The following IL1RAP variants were observed in gnomAD, a reference collection of about 807,000 sequenced individuals.
IL1RAP encodes interleukin-1 receptor accessory protein.
A neutral mutation model predicts 60.7 loss-of-function variants in IL1RAP; 35 were observed. The ratio of observed to expected loss-of-function variants is 0.58; its 90% CI spans 0.44 to 0.76. The LOEUF (loss-of-function observed/expected upper bound fraction) is 0.76. IL1RAP is among the 30% of genes least tolerant of loss of function. IL1RAP has a pLI of 0.00. For missense variants in IL1RAP, 572 were observed against 693.9 expected (o/e 0.82, Z 1.97); for synonymous variants, 268 against 250.9 (o/e 1.07, Z -0.64).
intron 2 of IL1RAP, among the ~76,000 whole-genome samples, chr3:190,561,936 A>G (rs369980262): frequency 1.3e-5 from 2 of 152,252 alleles, no homozygotes; most frequent in African/African-American, 2.4e-5. Flanking sequence ...ATAAAGTACA[A>G]TTTGAGGGTC....
downstream of IL1RAP, chr3:190,656,484 A>G: frequency 6.5e-7 from 1 of 1,537,238 alleles, no homozygotes; most frequent in Non-Finnish European, 8.7e-7. Flanking sequence ...CTGTTCCCCA[A>G]GAGTCAGAAA....
chr3:190,655,819 T>A, downstream of IL1RAP: 1 of 1,112,690 alleles, frequency 9.0e-7, no homozygotes. Flanking sequence ...CTCTGGAGGA[T>A]GGACAATAAC....
intron 3 of IL1RAP, among the ~76,000 whole-genome samples, chr3:190,577,007 A>T (rs1422457866): frequency 6.7e-6 from 1 of 149,958 alleles, no homozygotes; most frequent in Non-Finnish European, 1.5e-5. Flanking sequence ...AGGCTGAGGC[A>T]GGAGAATGGC....
downstream of IL1RAP, among the ~76,000 whole-genome samples, chr3:190,651,983 C>A (rs925512279): frequency 1.3e-5 from 2 of 152,150 alleles, no homozygotes; most frequent in African/African-American, 4.8e-5. Flanking sequence ...TTAACGCAAC[C>A]ACACGGTAGT....
At chr3:190,571,711 A>G (rs2108648137) in intron 3 of IL1RAP, among the ~76,000 whole-genome samples, 1 of 152,318 alleles carries the variant, frequency 6.6e-6, no homozygotes, top group African/African-American at 2.4e-5. Flanking sequence ...AGAAGACTTT[A>G]GATTCACTGT....
At chr3:190,617,604 G>A (rs1188227204) in intron 5 of IL1RAP, among the ~76,000 whole-genome samples, 1 of 152,146 alleles carries the variant, frequency 6.6e-6, no homozygotes, top group South Asian at 2.1e-4. Flanking sequence ...TTTAAAGCAA[G>A]TTTCCTATTC....
intron 3 of IL1RAP, among the ~76,000 whole-genome samples, chr3:190,589,815 A>G (rs1212093577): frequency 6.6e-6 from 1 of 152,214 alleles, no homozygotes; most frequent in African/African-American, 2.4e-5. Flanking sequence ...CCCATTAAAT[A>G]CATGATGGGC....
chr3:190,633,588 C>T, intron 9 of IL1RAP, among the ~76,000 whole-genome samples: 1 of 152,138 alleles, frequency 6.6e-6, no homozygotes, highest in Non-Finnish European at 1.5e-5. Context: ...AACTCCTGAC[C>T]TCAGATGATC....
downstream of IL1RAP, chr3:190,655,894 G>A (rs1325674361): frequency 2.0e-6 from 3 of 1,535,670 alleles, no homozygotes; most frequent in African/African-American, 2.7e-5. Flanking sequence ...TATAGATACA[G>A]TGGAAGCAGT....
rs1734318639 is a variant in IL1RAP at position 190,650,297 on chromosome 3, T to G, written c.*1592T>G. On this transcript the variant is annotated 3_prime_UTR_variant, in exon 12 of 12. Transcript: ENST00000447382. ...TTTATATAAATAACTTAAGTATTGC[T>G]ACAGTTTATCTAGGTTGCAGTGGCA... 4.1e-6 allele frequency: 4 copies of G among 985,070 alleles called. No homozygotes were observed. In the South Asian group the frequency reaches 1.4e-4, roughly 35 times the overall value. 61.0% of individuals were successfully genotyped at this position (985,070 alleles called of 1,614,324 possible). A position where few individuals can be genotyped will look rare whatever the true frequency, so the allele number is the denominator to read the frequency against.
chr3:190,536,290 AT>A (rs1034538252), intron 1 of IL1RAP, among the ~76,000 whole-genome samples: 21 of 151,460 alleles, frequency 1.4e-4, no homozygotes, highest in Admixed American at 1.1e-3. Context: ...TCTTTTTTTA[AT>A]TTTTTTTTAA....
At chr3:190,638,824 T>C (rs1376717086) in intron 9 of IL1RAP, among the ~76,000 whole-genome samples, 1 of 152,142 alleles carries the variant, frequency 6.6e-6, no homozygotes, top group Non-Finnish European at 1.5e-5. Context: ...ATTGGAAAGA[T>C]TTTTACTTTC....
At chr3:190,635,552 G>A (rs571036513) in intron 9 of IL1RAP, among the ~76,000 whole-genome samples, 2 of 152,066 alleles carry the variant, frequency 1.3e-5, no homozygotes, top group Non-Finnish European at 2.9e-5. Flanking sequence ...TCGAGTTTTT[G>A]TTATTATTAA....
intron 5 of IL1RAP, among the ~76,000 whole-genome samples, chr3:190,610,124 A>C (rs988168718): frequency 6.6e-5 from 10 of 152,288 alleles, no homozygotes; most frequent in Admixed American, 6.5e-4. Flanking sequence ...AATCAAAAGT[A>C]AACTGGATGA....
At position 190,601,642 on chromosome 3, in the gene IL1RAP, C is replaced by T. The variant is rs774879788; in HGVS notation, c.65-2486C>T. Among the ~76,000 whole-genome samples the T allele has an allele frequency of 2.6e-5, 4 of 152,218 alleles. No homozygotes were observed. The South Asian group carries it at 6.2e-4, about 24-fold the overall frequency. The stretch of plus-strand genomic sequence containing the variant: ...TGCCAGTTATCCACTGCTGCAAAAA[C>T]GGTGCCTTGCAAAGAAGCACAAATT... On this transcript the variant is annotated intron_variant, in intron 3 of 11. Coordinates refer to ENST00000447382, the MANE Select transcript of IL1RAP (RefSeq NM_002182.4).
chr3:190,620,338 A>C lies in IL1RAP; in HGVS notation c.601A>C (p.Ile201Leu). ...CGAAGGTATGAACTTGAGTTTCCTC[A>C]TTGCCTTAATTTCAAATAATGGAAA... ...IPEGMNLSFL[I>L]ALISNNGNYT... is the part of the protein sequence containing the mutation. The change falls in exon 6 of 12, where the codon ATT becomes CTT. Residue 201 changes from isoleucine (I) to leucine (L), a missense_variant. Physicochemically the swap from Ile to Leu is conservative, Grantham distance 5. Transcript: ENST00000447382. 6.2e-7 allele frequency: 1 copy of C among 1,607,222 alleles called. No homozygotes were observed. The highest frequency in any genetic ancestry group is 1.3e-5 in the African/African-American group (1 of 74,718).
chr3:190,641,003 T>C (rs1041984604), intron 9 of IL1RAP, among the ~76,000 whole-genome samples: 1 of 152,224 alleles, frequency 6.6e-6, no homozygotes, highest in African/African-American at 2.4e-5. Flanking sequence ...TTTGCTCTTG[T>C]TGCCAAGGCT....
intron 4 of IL1RAP, among the ~76,000 whole-genome samples, chr3:190,606,136 T>A (rs942711244): frequency 1.3e-5 from 2 of 152,162 alleles, no homozygotes; most frequent in Non-Finnish European, 1.5e-5. Flanking sequence ...GAGGCTTTCA[T>A]TGGACACTTG....
At chr3:190,579,667 A>G (rs1050138270) in intron 3 of IL1RAP, among the ~76,000 whole-genome samples, 1 of 152,140 alleles carries the variant, frequency 6.6e-6, no homozygotes, top group African/African-American at 2.4e-5. Context: ...TGCCATCACA[A>G]CAATCTAATT....
Sources: gnomAD v4.1 joint callset for allele counts (sites outside exome capture counted in the v4.1 genomes callset) on GRCh38, gnomAD v4.1.1 for gene constraint, MANE v1.5 for transcripts, NCBI Gene and HGNC (gene_info 2026-07-23, HGNC 2026-07-21) for gene names.